The following AFF2 variants were observed in gnomAD, a reference collection of about 807,000 sequenced individuals.
AFF2 encodes the protein ALF transcription elongation factor 2.
AFF2 carries 14 observed loss-of-function variants against 76.9 expected under a neutral mutation model. The ratio of observed to expected loss-of-function variants is 0.18; its 90% CI spans 0.12 to 0.28. The LOEUF is 0.28. AFF2 is among the 10% of genes least tolerant of loss of function. The pLI is 1.00. For synonymous variants in AFF2, 398 were observed against 366.7 expected, an observed-to-expected ratio of 1.09 and a Z score of -0.98; for missense variants, 868 against 1,001.1, an observed-to-expected ratio of 0.87 and a Z score of 1.79.
chrX:148,649,337 G>A (rs7060809), intron 1 of AFF2, among the ~76,000 whole-genome samples: 21,705 of 111,389 alleles, frequency 0.19, 1,547 homozygotes, highest in Non-Finnish European at 0.21. Flanking sequence ...TGACGTTATA[G>A]ACTGAAAGCC....
chrX:148,637,070 G>A (rs1557253947), intron 1 of AFF2, among the ~76,000 whole-genome samples: 2 of 111,832 alleles, frequency 1.8e-5, no homozygotes, highest in African/African-American at 6.5e-5. Flanking sequence ...GGACCACAAT[G>A]TTCAGAAACT....
intron 4 of AFF2, among the ~76,000 whole-genome samples, chrX:148,834,133 A>G (rs1260908731): frequency 8.9e-6 from 1 of 112,637 alleles, no homozygotes; most frequent in African/African-American, 3.2e-5. Context: ...TCACATTAAT[A>G]TAAGTGTCTT....
chrX:148,776,164 C>G (rs1210123980), intron 3 of AFF2, among the ~76,000 whole-genome samples: 1 of 111,575 alleles, frequency 9.0e-6, no homozygotes, highest in African/African-American at 3.3e-5. Flanking sequence ...CCAGCTTCAT[C>G]CATGTCCCTG....
At chrX:148,752,433 A>C (rs2055512981) in intron 3 of AFF2, among the ~76,000 whole-genome samples, 1 of 111,827 alleles carries the variant, frequency 8.9e-6, no homozygotes, top group African/African-American at 3.2e-5. Flanking sequence ...AATTTAGTCA[A>C]ACCACTGGGG....
At chrX:148,746,673 G>C (rs1308968265) in intron 3 of AFF2, among the ~76,000 whole-genome samples, 1 of 112,552 alleles carries the variant, frequency 8.9e-6, no homozygotes, top group Non-Finnish European at 1.9e-5. Context: ...CTCATTCTAC[G>C]TTTCCTGCAA....
intron 1 of AFF2, among the ~76,000 whole-genome samples, chrX:148,514,033 T>A (rs1167359485): frequency 8.9e-6 from 1 of 111,877 alleles, no homozygotes; most frequent in Non-Finnish European, 1.9e-5. Flanking sequence ...TAATTAATTA[T>A]TTGCCATTGT....
intron 1 of AFF2, among the ~76,000 whole-genome samples, chrX:148,585,227 C>T (rs2053454929): frequency 9.0e-6 from 1 of 111,564 alleles, no homozygotes; most frequent in Non-Finnish European, 1.9e-5. Context: ...AAGACAGCTA[C>T]TGGGTACAAA....
chrX:148,855,851 A>G (rs2070780927), intron 7 of AFF2, among the ~76,000 whole-genome samples: 1 of 112,175 alleles, frequency 8.9e-6, no homozygotes, highest in Middle Eastern at 4.2e-3. Context: ...TGATACGATT[A>G]AATGATTGAA....
intron 3 of AFF2, among the ~76,000 whole-genome samples, chrX:148,801,097 G>A (rs923234712): frequency 1.8e-5 from 2 of 111,569 alleles, no homozygotes; most frequent in African/African-American, 6.5e-5. Context: ...GAGTCACTAC[G>A]GTGGAGTCCT....
chrX:148,596,300 C>A, intron 1 of AFF2, among the ~76,000 whole-genome samples: 1 of 111,821 alleles, frequency 8.9e-6, no homozygotes, highest in African/African-American at 3.2e-5. Context: ...CAATCAAACA[C>A]CAATGAAATG....
chrX:148,765,998 T>C (rs1557267697), intron 3 of AFF2, among the ~76,000 whole-genome samples: 1 of 109,650 alleles, frequency 9.1e-6, no homozygotes, highest in East Asian at 2.9e-4. Context: ...AATGATGATT[T>C]CCAATTTCAT....
chrX:148,571,910 A>G (rs2053233429), intron 1 of AFF2, among the ~76,000 whole-genome samples: 1 of 111,275 alleles, frequency 9.0e-6, no homozygotes, highest in South Asian at 3.7e-4. Flanking sequence ...ATTCAGCCTG[A>G]GGCATTAGCA....
intron 1 of AFF2, among the ~76,000 whole-genome samples, chrX:148,617,609 A>G (rs1557250671): frequency 8.9e-6 from 1 of 112,172 alleles, no homozygotes; most frequent in Non-Finnish European, 1.9e-5. Context: ...TTTTGTTGCC[A>G]TTGCTTTTGG....
At chrX:148,634,656 G>A in intron 1 of AFF2, among the ~76,000 whole-genome samples, 1 of 111,810 alleles carries the variant, frequency 8.9e-6, no homozygotes. Flanking sequence ...AACAAGCATA[G>A]AGATAAATGA....
chrX:148,750,179 AG>A (rs1439299955), intron 3 of AFF2, among the ~76,000 whole-genome samples: 1 of 110,133 alleles, frequency 9.1e-6, no homozygotes, highest in Non-Finnish European at 1.9e-5. Flanking sequence ...CATGTTGGCC[AG>A]GCTGGTCTCG....
intron 1 of AFF2, among the ~76,000 whole-genome samples, chrX:148,515,900 GCTT>G (rs1557233753): frequency 8.9e-6 from 1 of 111,760 alleles, no homozygotes; most frequent in African/African-American, 3.3e-5. Flanking sequence ...TAATCATCCA[GCTT>G]CTGCTAGCCA....
intron 3 of AFF2, among the ~76,000 whole-genome samples, chrX:148,717,711 T>C (rs782509739): frequency 3.7e-4 from 41 of 111,163 alleles, no homozygotes; most frequent in African/African-American, 1.1e-3. Context: ...CAAAGGGTCA[T>C]AAGAAGGGGC....
At chrX:148,954,866 G>T (rs894032993) in intron 10 of AFF2, among the ~76,000 whole-genome samples, 4 of 111,997 alleles carry the variant, frequency 3.6e-5, no homozygotes, top group Non-Finnish European at 7.5e-5. Context: ...AGCCTCAGCT[G>T]ATGGCTTTCA....
intron 3 of AFF2, among the ~76,000 whole-genome samples, chrX:148,708,924 A>T (rs1227166205): frequency 1.8e-5 from 2 of 111,884 alleles, no homozygotes; most frequent in Non-Finnish European, 3.8e-5. Flanking sequence ...TTTTGATTTG[A>T]TGTAACAAAG....
Sources: allele counts gnomAD v4.1 joint callset (sites outside exome capture counted in the v4.1 genomes callset), GRCh38; gene constraint gnomAD v4.1.1; transcripts MANE v1.5; gene names NCBI Gene and HGNC (gene_info 2026-07-23, HGNC 2026-07-21).